The following SPHKAP variants were observed in gnomAD, a reference collection of about 807,000 sequenced individuals.
SPHKAP encodes A-kinase anchor protein SPHKAP.
A neutral mutation model predicts 137.5 loss-of-function variants in SPHKAP; 67 were observed. That is an observed-to-expected ratio of 0.49 (90% CI 0.40 to 0.60). SPHKAP has a LOEUF of 0.60. SPHKAP is among the 20% of genes least tolerant of loss of function. The pLI is 0.00. For missense variants in SPHKAP, 2,097 were observed against 2,069.3 expected (o/e 1.01, Z -0.26); for synonymous variants, 813 against 785.3 (o/e 1.04, Z -0.59).
At chr2:228,142,720 G>T (rs943724871) in intron 1 of SPHKAP, among the ~76,000 whole-genome samples, 1 of 152,032 alleles carries the variant, frequency 6.6e-6, no homozygotes, top group Non-Finnish European at 1.5e-5. Context: ...TGGGAGGAGG[G>T]AGAGGACAAG....
chr2:228,041,878 T>C (rs897392846), intron 3 of SPHKAP, among the ~76,000 whole-genome samples: 2 of 151,990 alleles, frequency 1.3e-5, no homozygotes, highest in African/African-American at 4.8e-5. Context: ...GGAAAGGAGA[T>C]GGGAGCCATG....
At chr2:228,001,270 A>T (rs1434592284) in intron 7 of SPHKAP, among the ~76,000 whole-genome samples, 1 of 103,750 alleles carries the variant, frequency 9.6e-6, no homozygotes, top group Non-Finnish European at 2.0e-5. Flanking sequence ...CACATATATA[A>T]ATATATCTAT....
intron 1 of SPHKAP, among the ~76,000 whole-genome samples, chr2:228,141,494 C>A (rs912683046): frequency 6.6e-6 from 1 of 152,136 alleles, no homozygotes; most frequent in African/African-American, 2.4e-5. Context: ...TTAATATATG[C>A]ACATTTTTGA....
intron 3 of SPHKAP, among the ~76,000 whole-genome samples, chr2:228,029,293 C>T (rs925056725): frequency 2.6e-5 from 4 of 152,124 alleles, no homozygotes; most frequent in Non-Finnish European, 5.9e-5. Context: ...ATATATGGGG[C>T]TTTCTGATCT....
chr2:228,164,796 G>C (rs934884622), intron 1 of SPHKAP, among the ~76,000 whole-genome samples: 1 of 152,120 alleles, frequency 6.6e-6, no homozygotes, highest in Admixed American at 6.5e-5. Flanking sequence ...TCAACTGCTG[G>C]TCTGGCTGCC....
chr2:228,093,134 T>G (rs1201487569), intron 3 of SPHKAP, among the ~76,000 whole-genome samples: 1 of 152,080 alleles, frequency 6.6e-6, no homozygotes, highest in Non-Finnish European at 1.5e-5. Flanking sequence ...TAATAACAAG[T>G]TTTGGTGAAG....
At chr2:228,173,799 T>C (rs1233533151) in intron 1 of SPHKAP, among the ~76,000 whole-genome samples, 2 of 152,196 alleles carry the variant, frequency 1.3e-5, no homozygotes, top group Non-Finnish European at 2.9e-5. Flanking sequence ...AAAGCAGCAA[T>C]AGAAAAGCAA....
chr2:228,179,201 C>G (rs139279948), intron 1 of SPHKAP, among the ~76,000 whole-genome samples: 2 of 152,164 alleles, frequency 1.3e-5, no homozygotes, highest in Non-Finnish European at 2.9e-5. Context: ...TTATAACCAC[C>G]AACTTAATTT....
chr2:228,093,684 C>T (rs557461598), intron 3 of SPHKAP, among the ~76,000 whole-genome samples: 77 of 151,032 alleles, frequency 5.1e-4, no homozygotes, highest in African/African-American at 1.8e-3. Context: ...ATGGTGAAAC[C>T]CAGTCTCTAC....
At chr2:228,106,181 T>C (rs1276913035) in intron 3 of SPHKAP, among the ~76,000 whole-genome samples, 4 of 152,220 alleles carry the variant, frequency 2.6e-5, no homozygotes, top group Non-Finnish European at 4.4e-5. Flanking sequence ...AAGTCTGAGA[T>C]TGTTCCTCAA....
intron 1 of SPHKAP, among the ~76,000 whole-genome samples, chr2:228,153,571 A>C (rs934593378): frequency 3.9e-5 from 6 of 152,156 alleles, no homozygotes; most frequent in African/African-American, 1.2e-4. Context: ...GCTTTTGTGA[A>C]GTCAAGTATC....
chr2:228,051,378 A>G (rs553104815), intron 3 of SPHKAP, among the ~76,000 whole-genome samples: 1 of 152,214 alleles, frequency 6.6e-6, no homozygotes, highest in African/African-American at 2.4e-5. Context: ...GTTTGGCTGC[A>G]TGACTTGCTT....
rs377542854 is a variant in SPHKAP at position 228,018,119 on chromosome 2, G to C, written c.2735C>G (p.Ala912Gly). The C allele has an allele frequency of 6.2e-7, 1 of 1,614,054 alleles. No homozygotes were observed. The highest frequency in any genetic ancestry group is 1.3e-5 in the African/African-American group (1 of 74,932). ...ATGCTTTGTTTGAAGCGTGGATTGA[G>C]CAGGAAGCAGCAGGTCATCCCCTAA... is the stretch of plus-strand genomic sequence containing the variant. The part of the protein sequence containing the change: ...SLLGDDLLLP[A>G]QSTLQTKHPD... The change falls in exon 7 of 12, where the codon GCT (alanine) becomes GGT (glycine). Residue 912 changes from alanine to glycine, a missense_variant. Coordinates refer to ENST00000392056, the MANE Select transcript of SPHKAP (RefSeq NM_001142644.2).
intron 2 of SPHKAP, chr2:228,131,136 T>C (rs1278431670): frequency 1.1e-5 from 2 of 179,948 alleles, no homozygotes; most frequent in African/African-American, 2.4e-5. Context: ...TAGATATATA[T>C]GCATGTATAT....
intron 2 of SPHKAP, among the ~76,000 whole-genome samples, chr2:228,109,956 CAAAAAAAAAAAAA>C (rs11440513): frequency 1.8e-5 from 1 of 56,286 alleles, no homozygotes; most frequent in Non-Finnish European, 3.0e-5. Flanking sequence ...GAAAATGTCT[CAAAAAAAAAAAAA>C]AAAAAAAAAG....
Position 227,981,587 on chromosome 2 carries a change from T to G in SPHKAP, c.*130A>C. On this transcript the variant is annotated 3_prime_UTR_variant, in exon 12 of 12. Transcript: ENST00000392056. ...TTATTCTGTATGCAGTGGATCTGAG[T>G]AGCAGATTTTTTTTTATAGTTCTGC... The G allele has an allele frequency of 8.1e-7, 1 of 1,228,862 alleles. No individual in the cohort carries two copies. Among genetic ancestry groups the G allele is most frequent in the African/African-American group, 1.5e-5 (1 of 64,582 alleles). 76.1% of individuals were successfully genotyped at this position (1,228,862 alleles called of 1,614,324 possible).
intron 1 of SPHKAP, among the ~76,000 whole-genome samples, chr2:228,136,518 C>T (rs1357136353): frequency 6.6e-6 from 1 of 152,110 alleles, no homozygotes; most frequent in East Asian, 1.9e-4. Flanking sequence ...GTGAAAATAG[C>T]CTAGGGAATA....
At chr2:228,088,725 T>C (rs981860863) in intron 3 of SPHKAP, among the ~76,000 whole-genome samples, 21 of 152,300 alleles carry the variant, frequency 1.4e-4, no homozygotes, top group Middle Eastern at 3.4e-3. Context: ...ATATGAGATC[T>C]GGTTGTTTAA....
rs754719419 is a variant in SPHKAP at position 227,991,110 on chromosome 2, G to T, written c.4849C>A (p.Pro1617Thr). 10 of 1,613,988 alleles carry T rather than the reference G, an allele frequency of 6.2e-6. No individual in the cohort carries two copies. In the African/African-American group the frequency reaches 1.3e-4, roughly 22 times the overall value. ...CGGAGCTCGGCATCTGGACACTCTG[G>T]CTCCAGGTCAAAGTTGATCACCAGC... ...SLLVINFDLE[P>T]ECPDAELRAT... Residue 1617 changes from proline (P) to threonine (T), a missense_variant, in exon 11 of 12, where the codon CCA becomes ACA. By Grantham distance (38) the Pro-to-Thr change is conservative (BLOSUM62 -1). Transcript: ENST00000392056.
Sources: allele counts gnomAD v4.1 joint callset (sites outside exome capture counted in the v4.1 genomes callset), GRCh38; gene constraint gnomAD v4.1.1; transcripts MANE v1.5; gene names NCBI Gene and HGNC (gene_info 2026-07-23, HGNC 2026-07-21).